The following TBC1D8 variants were observed in gnomAD, a reference collection of about 807,000 sequenced individuals.
TBC1D8 encodes the protein TBC1 domain family member 8, also known as BUB2-like protein 1.
TBC1D8 carries 65 observed loss-of-function variants against 118.8 expected under a neutral mutation model. That is an observed-to-expected ratio of 0.55 (90% CI 0.45 to 0.67). The LOEUF (loss-of-function observed/expected upper bound fraction) is 0.67. Ranked by LOEUF, TBC1D8 falls within the 30% of genes least tolerant of loss-of-function variation. TBC1D8 has a pLI of 0.00. For missense variants in TBC1D8, 1,376 were observed against 1,471.2 expected (o/e 0.94, Z 1.06); for synonymous variants, 566 against 595.8 (o/e 0.95, Z 0.73).
intron 5 of TBC1D8, 88 bp downstream of exon 5, chr2:101,050,313 G>C: frequency 6.7e-7 from 1 of 1,502,838 alleles, no homozygotes; most frequent in Non-Finnish European, 8.9e-7. Flanking sequence ...CATAACCAAG[G>C]CTAACAAAAG....
At chr2:101,132,675 A>G (rs1678648458) in intron 1 of TBC1D8, among the ~76,000 whole-genome samples, 1 of 152,088 alleles carries the variant, frequency 6.6e-6, no homozygotes, top group Non-Finnish European at 1.5e-5. Flanking sequence ...TGCAGCCTCG[A>G]CCTCTTCGGC....
intron 2 of TBC1D8, among the ~76,000 whole-genome samples, chr2:101,077,365 A>G (rs1189048526): frequency 4.7e-5 from 7 of 149,974 alleles, no homozygotes; most frequent in African/African-American, 1.7e-4. Flanking sequence ...CTCCTGCCTC[A>G]GCCTCCCGGG....
chr2:101,074,663 T>C (rs1674690921), intron 2 of TBC1D8, among the ~76,000 whole-genome samples: 1 of 152,238 alleles, frequency 6.6e-6, no homozygotes, highest in Non-Finnish European at 1.5e-5. Context: ...TTAGAAATGG[T>C]GTGCGTGTAC....
chr2:101,139,596 C>T (rs1019602913), intron 1 of TBC1D8, among the ~76,000 whole-genome samples: 3 of 152,196 alleles, frequency 2.0e-5, no homozygotes, highest in African/African-American at 7.2e-5. Context: ...CCTCAGTCCC[C>T]TCTGCCCTTT....
intron 1 of TBC1D8, among the ~76,000 whole-genome samples, chr2:101,148,614 G>A (rs1047566233): frequency 3.9e-5 from 6 of 152,136 alleles, no homozygotes; most frequent in Non-Finnish European, 7.4e-5. Context: ...TCTGAAGTTA[G>A]GCAATTAAGA....
chr2:101,103,480 C>T (rs1459403414), intron 1 of TBC1D8, among the ~76,000 whole-genome samples: 2 of 151,742 alleles, frequency 1.3e-5, no homozygotes, highest in East Asian at 3.9e-4. Context: ...CAAGCTCCGC[C>T]TCCCAGGTTC....
intron 2 of TBC1D8, among the ~76,000 whole-genome samples, chr2:101,067,835 CT>C (rs1391086128): frequency 6.6e-6 from 1 of 152,210 alleles, no homozygotes; most frequent in Non-Finnish European, 1.5e-5. Context: ...CACAGTAAAA[CT>C]TTTCAAATTT....
At chr2:101,138,191 C>A (rs937985142) in intron 1 of TBC1D8, among the ~76,000 whole-genome samples, 1 of 152,198 alleles carries the variant, frequency 6.6e-6, no homozygotes, top group Admixed American at 6.5e-5. Context: ...CACCTCCCAC[C>A]AGGCCCCACC....
At chr2:101,135,145 C>A (rs953971717) in intron 1 of TBC1D8, among the ~76,000 whole-genome samples, 4 of 152,104 alleles carry the variant, frequency 2.6e-5, no homozygotes, top group African/African-American at 9.7e-5. Flanking sequence ...GCACTCCAGC[C>A]TGGGCGACAG....
Position 101,044,566 on chromosome 2 carries a change from T to C in TBC1D8, c.873-4181A>G, listed in dbSNP as rs114130222. On this transcript the variant is annotated intron_variant, in intron 5 of 19. Transcript: ENST00000409318. ...CGTAGAGAAGAACAGACATTGGTGATGACCTGACATTCAGAACGTGGCCAC... is the reference window on the plus strand; with the variant it reads ...CGTAGAGAAGAACAGACATTGGTGACGACCTGACATTCAGAACGTGGCCAC... 9.7e-3 allele frequency among the ~76,000 whole-genome samples: 1,479 copies of C among 152,274 alleles called. 21 individuals carry two copies. Among genetic ancestry groups the C allele is most frequent in the African/African-American group, 0.033 (1,384 of 41,558 alleles).
intron 1 of TBC1D8, among the ~76,000 whole-genome samples, chr2:101,098,155 G>A (rs944822239): frequency 4.1e-4 from 62 of 152,312 alleles, no homozygotes; most frequent in Admixed American, 9.2e-4. Context: ...CACTTTGGGA[G>A]GCTGAAGTGG....
At chr2:101,122,394 A>AT in intron 1 of TBC1D8, among the ~76,000 whole-genome samples, 1 of 98,856 alleles carries the variant, frequency 1.0e-5, no homozygotes, top group Non-Finnish European at 2.1e-5. Context: ...AAAAAAAAAA[A>AT]AAAAAAAAAA....
At position 101,028,526 on chromosome 2, in the gene TBC1D8, C is replaced by T. The variant is rs374596017; in HGVS notation, c.2223-94G>A. Reference sequence around the variant, plus strand: ...CAGTGTCAGACATGCCAGGGCACTTCCAAACACCAACACCTGGGAGGAGGG... The same window carrying T: ...CAGTGTCAGACATGCCAGGGCACTTTCAAACACCAACACCTGGGAGGAGGG... On this transcript the variant is annotated intron_variant, in intron 12 of 19. Coordinates refer to ENST00000409318, the MANE Select transcript of TBC1D8 (RefSeq NM_001330348.2). 1.9e-3 allele frequency: 2,788 copies of T among 1,463,920 alleles called. 32 individuals carry two copies. Among genetic ancestry groups the T allele is most frequent in the South Asian group, 0.018 (1,209 of 67,414 alleles). 90.7% of individuals were successfully genotyped at this position (1,463,920 alleles called of 1,614,324 possible). A position where few individuals can be genotyped will look rare whatever the true frequency, so the allele number is the denominator to read the frequency against.
In TBC1D8 at chr2:101,090,075, G is replaced by T. The variant is rs1320886164; in HGVS notation, c.283+134C>A. The T allele has an allele frequency of 7.2e-6, 6 of 835,690 alleles. No individual in the cohort carries two copies. In the East Asian group the frequency reaches 1.1e-4, roughly 15 times the overall value. 51.8% of individuals were successfully genotyped at this position (835,690 alleles called of 1,614,324 possible). A position where few individuals can be genotyped will look rare whatever the true frequency, so the allele number is the denominator to read the frequency against. On this transcript the variant is annotated intron_variant, in intron 2 of 19. Coordinates refer to ENST00000409318, the MANE Select transcript of TBC1D8 (RefSeq NM_001330348.2). ...GGAAGGGGAAGGAAGGGGAGTGGAGGGGAGGGGAGTTAAGTTCCTGAAAGC... is the reference window on the plus strand; with the variant it reads ...GGAAGGGGAAGGAAGGGGAGTGGAGTGGAGGGGAGTTAAGTTCCTGAAAGC...
At chr2:101,086,297 G>T (rs181822149) in intron 2 of TBC1D8, among the ~76,000 whole-genome samples, 2 of 152,158 alleles carry the variant, frequency 1.3e-5, no homozygotes, top group Non-Finnish European at 2.9e-5. Context: ...GAAATGAAAA[G>T]CAGATAACAG....
At chr2:101,090,424 C>A (rs550661692) in intron 1 of TBC1D8, 60 bp from the exon 2 acceptor site, 1 of 1,585,760 alleles carries the variant, frequency 6.3e-7, no homozygotes, top group Non-Finnish European at 8.6e-7. Context: ...GCTCCTCATG[C>A]GTGTGAGGCA....
At chr2:101,103,152 T>C (rs190726243) in intron 1 of TBC1D8, among the ~76,000 whole-genome samples, 8 of 152,144 alleles carry the variant, frequency 5.3e-5, no homozygotes, top group Admixed American at 4.6e-4. Context: ...AAATGAATGA[T>C]ACCATGATCA....
chr2:101,011,336 A>G, intron 18 of TBC1D8, 115 bp downstream of exon 18: 1 of 1,100,728 alleles, frequency 9.1e-7, no homozygotes, highest in Non-Finnish European at 1.4e-6. Context: ...GGGATAATTC[A>G]TTGGACGAAG....
chr2:101,125,287 C>T (rs773224535), intron 1 of TBC1D8, among the ~76,000 whole-genome samples: 3 of 151,932 alleles, frequency 2.0e-5, no homozygotes, highest in African/African-American at 7.3e-5. Context: ...TAAGAGTACA[C>T]AAGAAAAATA....
Sources: allele counts gnomAD v4.1 joint callset (sites outside exome capture counted in the v4.1 genomes callset), GRCh38; gene constraint gnomAD v4.1.1; transcripts MANE v1.5; gene names NCBI Gene and HGNC (gene_info 2026-07-23, HGNC 2026-07-21).